KAZN: variants seen among roughly 807,000 people sequenced by gnomAD.
KAZN encodes kazrin, periplakin interacting protein.
Under a neutral mutation model 87.4 loss-of-function variants are expected in KAZN, and 40 were observed. The ratio of observed to expected loss-of-function variants is 0.46; its 90% confidence interval spans 0.36 to 0.60. The LOEUF (loss-of-function observed/expected upper bound fraction) is 0.60, where lower values mean the gene tolerates loss of function less well. KAZN is among the 20% of genes least tolerant of loss of function. The probability of loss-of-function intolerance (pLI) is 0.00; values close to 1 mark genes in which losing one functional copy is unlikely to be tolerated. For missense variants in KAZN, 898 were observed against 1,073.9 expected (o/e 0.84, Z 2.29); for synonymous variants, 466 against 458.3 (o/e 1.02, Z -0.22).
intron 2 of KAZN, among the ~76,000 whole-genome samples, chr1:14,451,907 C>T (rs1203034861): frequency 4.6e-5 from 7 of 152,050 alleles, no homozygotes; most frequent in Admixed American, 1.3e-4. Context: ...GCAGATTGGA[C>T]GCTGTTTTGG....
intron 1 of KAZN, among the ~76,000 whole-genome samples, chr1:14,797,097 G>A (rs144760951): frequency 7.9e-5 from 12 of 152,266 alleles, no homozygotes; most frequent in African/African-American, 2.4e-4. Flanking sequence ...TTTTGCTCTC[G>A]TTGCCCAGGT....
chr1:14,164,093 GA>G (rs1249335643), intron 1 of KAZN, among the ~76,000 whole-genome samples: 1 of 152,220 alleles, frequency 6.6e-6, no homozygotes, highest in Admixed American at 6.5e-5. Flanking sequence ...TTCCAGGTAT[GA>G]AAATCTGTAT....
chr1:15,068,417 C>T (rs1246108635), intron 8 of KAZN, among the ~76,000 whole-genome samples: 1 of 152,186 alleles, frequency 6.6e-6, no homozygotes, highest in African/African-American at 2.4e-5. Flanking sequence ...CACCCCCGAC[C>T]TGGCACCCTG....
At chr1:14,396,552 T>A (rs1662918572) in intron 2 of KAZN, among the ~76,000 whole-genome samples, 1 of 152,222 alleles carries the variant, frequency 6.6e-6, no homozygotes, top group African/African-American at 2.4e-5. Context: ...TTCCAAACTA[T>A]TTTGACAGAT....
chr1:14,928,428 G>A (rs1410923494), intron 1 of KAZN, among the ~76,000 whole-genome samples: 2 of 148,726 alleles, frequency 1.3e-5, no homozygotes, highest in Non-Finnish European at 3.0e-5. Flanking sequence ...CAGCCTGGGC[G>A]ACAGAGCGAG....
chr1:14,684,603 CA>C (rs1197860199), intron 1 of KAZN, among the ~76,000 whole-genome samples: 1 of 152,164 alleles, frequency 6.6e-6, no homozygotes, highest in Non-Finnish European at 1.5e-5. Flanking sequence ...CTAGAGGCTC[CA>C]GGAGAGATGT....
rs535994463 is a variant in KAZN at position 14,552,876 on chromosome 1, G to T, written c.250-46107G>T. 8.5e-5 allele frequency among the ~76,000 whole-genome samples: 13 copies of T among 152,310 alleles called. No individual in the cohort carries two copies. The South Asian group carries it at 2.7e-3, about 32-fold the overall frequency. On this transcript the variant is annotated intron_variant, in intron 2 of 16. Transcript: ENST00000636203. ...CTGGGGCCAGTTCAGGGATGGAAAG[G>T]AGTGACTCCAGCTTGTGTGAGACAA...
At chr1:14,289,041 G>A (rs952539008) in intron 2 of KAZN, among the ~76,000 whole-genome samples, 1 of 152,210 alleles carries the variant, frequency 6.6e-6, no homozygotes, top group African/African-American at 2.4e-5. Context: ...ACTGTGGTCT[G>A]TGAGACATTT....
intron 1 of KAZN, among the ~76,000 whole-genome samples, chr1:14,164,837 C>T (rs1316231608): frequency 6.6e-6 from 1 of 152,108 alleles, no homozygotes; most frequent in Non-Finnish European, 1.5e-5. Context: ...CCGTGCCCGG[C>T]CAAGTTTCCT....
chr1:15,082,670 C>T lies in KAZN; in HGVS notation c.1223-11510C>T, dbSNP rs534043381. Among the ~76,000 whole-genome samples the T allele has an allele frequency of 6.6e-5, 10 of 152,272 alleles. No homozygotes were observed. The South Asian group carries it at 1.0e-3, about 16-fold the overall frequency. On this transcript the variant is annotated intron_variant, in intron 8 of 14. Transcript: ENST00000376030. ...AGGAGAATTTACAAGGCCTTTACCT[C>T]TAAGCCTCTGCAGTTTGTTTTTGTT...
chr1:14,535,343 A>T (rs1672427434), intron 2 of KAZN, among the ~76,000 whole-genome samples: 1 of 152,228 alleles, frequency 6.6e-6, no homozygotes, highest in Admixed American at 6.5e-5. Context: ...TGCAATATCA[A>T]ATTCACCAAG....
chr1:15,016,984 A>T (rs894484349), intron 2 of KAZN, among the ~76,000 whole-genome samples: 7 of 151,926 alleles, frequency 4.6e-5, no homozygotes, highest in African/African-American at 1.5e-4. Flanking sequence ...GCTCCAACAT[A>T]GTATCCATGG....
chr1:14,347,997 C>T (rs1467950631), intron 2 of KAZN, among the ~76,000 whole-genome samples: 3 of 151,360 alleles, frequency 2.0e-5, no homozygotes, highest in Non-Finnish European at 4.4e-5. Context: ...GTGATCCTCC[C>T]ACCTCAGCCT....
chr1:14,853,138 A>T (rs1352265786), intron 1 of KAZN, among the ~76,000 whole-genome samples: 1 of 152,174 alleles, frequency 6.6e-6, no homozygotes, highest in African/African-American at 2.4e-5. Context: ...GCTGGGTATC[A>T]TGCCTAGGCC....
rs1646701320 is a variant in KAZN, at chr1:14,820,273, T to C, written c.227-140411T>C. ...GCTGGATCATCTATTCAGCCTACTC[T>C]CCCTAACTGTTTCCCCGCAGAGGCT... On this transcript the variant is annotated intron_variant, in intron 1 of 14. Transcript: ENST00000376030. The surrounding 1 kb of genome is among the most constrained non-coding windows in gnomAD (Gnocchi z 4.1). Among the ~76,000 whole-genome samples the C allele has an allele frequency of 6.6e-6, 1 of 152,182 alleles. No individual in the cohort carries two copies. The highest frequency in any genetic ancestry group is 1.5e-5 in the Non-Finnish European group (1 of 68,026).
rs1662231861 is a variant in KAZN, at chr1:14,949,536, C to G, written c.227-11148C>G. On this transcript the variant is annotated intron_variant, in intron 1 of 14. Coordinates refer to ENST00000376030, the MANE Select transcript of KAZN (RefSeq NM_201628.3). This position sits in a 1 kb window ranked among gnomAD's most constrained non-coding sequence, Gnocchi z 4.3. The stretch of plus-strand genomic sequence containing the variant: ...AGGCAGGTGCCTGCCTCTCCCACCC[C>G]CACCCAGATGGTGTTTTTCGAGATT... 5.3e-5 allele frequency among the ~76,000 whole-genome samples: 8 copies of G among 152,190 alleles called. No homozygotes were observed. Among genetic ancestry groups the G allele is most frequent in the Admixed American group, 5.2e-4 (8 of 15,280 alleles).
intron 1 of KAZN, among the ~76,000 whole-genome samples, chr1:14,797,227 A>G (rs376213489): frequency 8.6e-5 from 13 of 151,788 alleles, no homozygotes; most frequent in African/African-American, 3.1e-4. Flanking sequence ...CCCCTGGCTA[A>G]TTTTTGTATT....
At chr1:14,852,540 T>G (rs1315414678) in intron 1 of KAZN, among the ~76,000 whole-genome samples, 1 of 151,924 alleles carries the variant, frequency 6.6e-6, no homozygotes, top group Non-Finnish European at 1.5e-5. Flanking sequence ...TTCTTCCCAC[T>G]GTCTAGGCTT....
chr1:14,960,606 A>G (rs1663723083), intron 1 of KAZN, 78 bp from the exon 2 acceptor site: 6 of 1,473,548 alleles, frequency 4.1e-6, no homozygotes, highest in East Asian at 5.0e-5. Context: ...AGCCAAAGCC[A>G]CCTCAAACCA....
Sources: gnomAD v4.1 joint callset for allele counts (sites outside exome capture counted in the v4.1 genomes callset) on GRCh38, gnomAD v4.1.1 for gene constraint, Gnocchi (gnomAD v3.1) non-coding constraint, MANE v1.5 for transcripts, NCBI Gene and HGNC (gene_info 2026-07-23, HGNC 2026-07-21) for gene names.